Variants in SH2D4A observed in about 807,000 individuals in gnomAD.
SH2D4A encodes SH2 domain-containing protein 4A.
In SH2D4A, 70 loss-of-function variants were observed where a neutral mutation model predicts 64.7. The ratio of observed to expected loss-of-function variants is 1.08; its 90% CI spans 0.89 to 1.32. The LOEUF (loss-of-function observed/expected upper bound fraction) is 1.32. Among genes scored for constraint, SH2D4A ranks in the 40% most tolerant of loss-of-function variants. SH2D4A has a pLI of 0.00. For missense variants in SH2D4A, 706 were observed against 540.1 expected, an observed-to-expected ratio of 1.31 and a Z score of -3.04; for synonymous variants, 268 against 200.7, an observed-to-expected ratio of 1.34 and a Z score of -2.83.
intron 4 of SH2D4A, among the ~76,000 whole-genome samples, chr8:19,351,379 G>C (rs2052701968): frequency 6.6e-6 from 1 of 152,074 alleles, no homozygotes; most frequent in South Asian, 2.1e-4. Flanking sequence ...CGAGGCGGGT[G>C]GATCACAAGG....
At chr8:19,391,712 ATT>A (rs2053495915) in intron 8 of SH2D4A, among the ~76,000 whole-genome samples, 1 of 152,328 alleles carries the variant, frequency 6.6e-6, no homozygotes, top group South Asian at 2.1e-4. Flanking sequence ...AAAACAGACA[ATT>A]TTTAAAATCC....
In SH2D4A at chr8:19,392,962, C is replaced by T. The variant is rs112684312; in HGVS notation, c.1049-356C>T. On this transcript the variant is annotated intron_variant, in intron 8 of 9. Coordinates refer to ENST00000265807, the MANE Select transcript of SH2D4A (RefSeq NM_022071.4). ...TTCACCGTATTAGTCAGGATGGTCT[C>T]GATCTCCTGACCTCGTGATCCACCC... 4.6e-5 allele frequency among the ~76,000 whole-genome samples: 7 copies of T among 152,044 alleles called. No homozygotes were observed. In the South Asian group the frequency reaches 1.2e-3, roughly 27 times the overall value.
rs2053554436 is a variant in SH2D4A, at chr8:19,394,543, T to C, written c.1273-7T>C. ...CACTATCTGACCCCGTGCCTTCTGA[T>C]TGACAGGAGGAACCCATCACTTCCC... On this transcript the variant is annotated splice_polypyrimidine_tract_variant and splice_region_variant and intron_variant, in intron 9 of 9. Transcript: ENST00000265807. 10 of 1,599,394 alleles carry C rather than the reference T, an allele frequency of 6.3e-6. No homozygotes were observed. The highest frequency in any genetic ancestry group is 1.7e-4 in the Middle Eastern group (1 of 5,998).
chr8:19,357,569 A>G (rs753223512), intron 5 of SH2D4A, among the ~76,000 whole-genome samples: 23 of 152,208 alleles, frequency 1.5e-4, no homozygotes, highest in Non-Finnish European at 3.1e-4. Flanking sequence ...TGGAGGGAAG[A>G]CTGATTTCAG....
intron 1 of SH2D4A, among the ~76,000 whole-genome samples, chr8:19,316,523 T>C (rs1253826756): frequency 6.6e-6 from 1 of 152,172 alleles, no homozygotes; most frequent in Non-Finnish European, 1.5e-5. Flanking sequence ...CCTGGGTCAG[T>C]GTGACAGTCG....
At chr8:19,367,436 A>G (rs927604509) in intron 7 of SH2D4A, among the ~76,000 whole-genome samples, 1 of 152,208 alleles carries the variant, frequency 6.6e-6, no homozygotes, top group African/African-American at 2.4e-5. Context: ...TGATAACCAA[A>G]AATAAAAAAC....
intron 4 of SH2D4A, among the ~76,000 whole-genome samples, chr8:19,353,006 C>G (rs1366911405): frequency 6.6e-6 from 1 of 152,086 alleles, no homozygotes; most frequent in African/African-American, 2.4e-5. Flanking sequence ...GAGACTCTGT[C>G]TCAAGAACAA....
Position 19,319,431 on chromosome 8 carries a change from G to C in SH2D4A, c.-117G>C. The C allele has an allele frequency of 7.5e-7, 1 of 1,328,190 alleles. No homozygotes were observed. The highest frequency in any genetic ancestry group is 9.7e-7 in the Non-Finnish European group (1 of 1,035,874). The allele number at this position is 1,328,190 out of a possible 1,614,324, so 82.3% of individuals were successfully genotyped here. A position where few individuals can be genotyped will look rare whatever the true frequency, so the allele number is the denominator to read the frequency against. ...ATTATTGTCCCAGTCAGCCAGGATTGTGAGCTGTTTGGGAAGTTTCGTGGA... is the reference window on the plus strand; with the variant it reads ...ATTATTGTCCCAGTCAGCCAGGATTCTGAGCTGTTTGGGAAGTTTCGTGGA... On this transcript the variant is annotated 5_prime_UTR_variant, in exon 2 of 10. Transcript: ENST00000265807.
chr8:19,337,571 A>G (rs2052462867), intron 4 of SH2D4A, among the ~76,000 whole-genome samples: 1 of 152,146 alleles, frequency 6.6e-6, no homozygotes, highest in African/African-American at 2.4e-5. Context: ...GTCTGTTTTC[A>G]TGCTGCTGAT....
intron 8 of SH2D4A, among the ~76,000 whole-genome samples, chr8:19,381,881 G>A (rs1414999884): frequency 6.6e-6 from 1 of 151,908 alleles, no homozygotes; most frequent in Non-Finnish European, 1.5e-5. Flanking sequence ...TGCTTTTTCT[G>A]CATTAATTGA....
chr8:19,355,999 GC>G (rs1160480043), intron 4 of SH2D4A, among the ~76,000 whole-genome samples: 2 of 152,170 alleles, frequency 1.3e-5, no homozygotes, highest in African/African-American at 4.8e-5. Context: ...GTTCAGGAGG[GC>G]TCTGCTCCAC....
At chr8:19,334,617 CAT>C in intron 3 of SH2D4A, 67 bp from the exon 4 acceptor site, 1 of 1,491,736 alleles carries the variant, frequency 6.7e-7, no homozygotes, top group Non-Finnish European at 9.0e-7. Flanking sequence ...TGAATGTCGA[CAT>C]ATGCTTTGGA....
chr8:19,394,821 C>A lies in SH2D4A; in HGVS notation c.*179C>A. The stretch of plus-strand genomic sequence containing the variant: ...TCTTTTCTGCACAAATACTGGAATT[C>A]AATGTCAAGAGAAAATGACCTCTGC... On this transcript the variant is annotated 3_prime_UTR_variant, in exon 10 of 10. Transcript: ENST00000265807. The A allele has an allele frequency of 2.4e-6, 1 of 410,036 alleles. No individual in the cohort carries two copies. Among genetic ancestry groups the A allele is most frequent in the Non-Finnish European group, 4.3e-6 (1 of 232,544 alleles). 25.4% of individuals were successfully genotyped at this position (410,036 alleles called of 1,614,324 possible). A position where few individuals can be genotyped will look rare whatever the true frequency, so the allele number is the denominator to read the frequency against.
At chr8:19,352,817 G>T (rs2052728941) in intron 4 of SH2D4A, among the ~76,000 whole-genome samples, 1 of 151,914 alleles carries the variant, frequency 6.6e-6, no homozygotes, top group Non-Finnish European at 1.5e-5. Context: ...AACCAGCCTG[G>T]GCAATATAGT....
intron 8 of SH2D4A, among the ~76,000 whole-genome samples, chr8:19,374,398 T>C (rs1370997029): frequency 6.6e-6 from 1 of 152,180 alleles, no homozygotes; most frequent in Admixed American, 6.5e-5. Context: ...ATTGGACTAA[T>C]TGGCTATATG....
At chr8:19,379,202 A>G (rs1160799158) in intron 8 of SH2D4A, among the ~76,000 whole-genome samples, 2 of 152,182 alleles carry the variant, frequency 1.3e-5, no homozygotes, top group East Asian at 3.8e-4. Flanking sequence ...GCCCCTGGCA[A>G]CTACCATGGT....
At chr8:19,363,731 G>C in intron 6 of SH2D4A, 1 of 347,914 alleles carries the variant, frequency 2.9e-6, no homozygotes, top group Admixed American at 4.3e-5. Context: ...ACCCCTGCCA[G>C]CTTGAACCCA....
intron 1 of SH2D4A, among the ~76,000 whole-genome samples, chr8:19,317,820 A>T (rs2052115280): frequency 6.6e-6 from 1 of 152,234 alleles, no homozygotes; most frequent in African/African-American, 2.4e-5. Flanking sequence ...TGGAGAAACA[A>T]CGTATTTGAG....
chr8:19,339,301 C>G (rs1226430331), intron 4 of SH2D4A, among the ~76,000 whole-genome samples: 2 of 152,106 alleles, frequency 1.3e-5, no homozygotes, highest in Non-Finnish European at 2.9e-5. Context: ...TCCCAGTCCA[C>G]TGACTCAAAT....
Sources: gnomAD v4.1 joint callset for allele counts (sites outside exome capture counted in the v4.1 genomes callset) on GRCh38, gnomAD v4.1.1 for gene constraint, MANE v1.5 for transcripts, NCBI Gene and HGNC (gene_info 2026-07-23, HGNC 2026-07-21) for gene names.